U2SURP: variants seen among roughly 807,000 people sequenced by gnomAD.
The protein encoded by U2SURP is U2 snRNP-associated SURP motif-containing protein.
A neutral mutation model predicts 144.9 loss-of-function variants in U2SURP; 9 were observed. The observed-to-expected ratio is 0.06, with a 90% CI of 0.04 to 0.11. The LOEUF (loss-of-function observed/expected upper bound fraction) is 0.11. Among genes scored for constraint, U2SURP ranks in the 10% least tolerant of loss-of-function variants. The probability of loss-of-function intolerance (pLI) is 1.00; values close to 1 mark genes in which losing one functional copy is unlikely to be tolerated. For synonymous variants in U2SURP, 408 were observed against 396.8 expected (o/e 1.03, Z -0.33); for missense variants, 724 against 1,226.7 (o/e 0.59, Z 6.12).
At chr3:143,045,368 A>C (rs1189974832) in intron 24 of U2SURP, among the ~76,000 whole-genome samples, 9 of 27,146 alleles carry the variant, frequency 3.3e-4, no homozygotes, top group African/African-American at 1.0e-3. Flanking sequence ...GACGCCGTCA[A>C]AAAAAAAAAA....
rs150813954 is a variant in U2SURP at position 143,032,667 on chromosome 3, A to T, written c.1611-117A>T. The T allele has an allele frequency of 1.3e-4, 112 of 875,114 alleles. No individual in the cohort carries two copies. In the East Asian group the frequency reaches 2.5e-3, roughly 20 times the overall value. 54.2% of individuals were successfully genotyped at this position (875,114 alleles called of 1,614,324 possible). On this transcript the variant is annotated intron_variant, in intron 16 of 27. Transcript: ENST00000473835. ...ACACAAATCAGACTGAATGTATTAC[A>T]GTCTTCAGAATTATTTTATGTGAGT...
At chr3:143,015,089 AC>A (rs779614985) in intron 4 of U2SURP, among the ~76,000 whole-genome samples, 1 of 151,980 alleles carries the variant, frequency 6.6e-6, no homozygotes, top group Non-Finnish European at 1.5e-5. Flanking sequence ...GACATGTTGC[AC>A]CCCTGTCAGT....
chr3:143,016,451 T>A, intron 5 of U2SURP, 80 bp downstream of exon 5: 1 of 1,203,400 alleles, frequency 8.3e-7, no homozygotes, highest in Non-Finnish European at 1.2e-6. Context: ...GTTGAATGAC[T>A]GCAGGTAGAT....
chr3:143,003,743 G>C (rs369147956), intron 1 of U2SURP, among the ~76,000 whole-genome samples: 3 of 145,634 alleles, frequency 2.1e-5, no homozygotes, highest in African/African-American at 2.5e-5. Flanking sequence ...GAGTGCTGGA[G>C]TGCAGTGGCA....
At chr3:143,051,114 C>T (rs1228272809) in intron 25 of U2SURP, 65 bp downstream of exon 25, 1 of 924,676 alleles carries the variant, frequency 1.1e-6, no homozygotes, top group Non-Finnish European at 1.7e-6. Flanking sequence ...TCCTAGAATA[C>T]TGGTATACCT....
At chr3:143,050,050 A>C (rs1204817465) in intron 24 of U2SURP, among the ~76,000 whole-genome samples, 2 of 152,082 alleles carry the variant, frequency 1.3e-5, no homozygotes, top group Non-Finnish European at 2.9e-5. Flanking sequence ...ATAGGTAATA[A>C]GAGATGGAAG....
chr3:143,055,207 T>A, intron 27 of U2SURP, 88 bp downstream of exon 27: 4 of 304,914 alleles, frequency 1.3e-5, no homozygotes, highest in Non-Finnish European at 2.0e-5. Flanking sequence ...TTGGCATACA[T>A]TTTTTTTTTT....
At chr3:143,012,942 T>A (rs1201222032) in intron 3 of U2SURP, among the ~76,000 whole-genome samples, 2 of 152,192 alleles carry the variant, frequency 1.3e-5, no homozygotes, top group African/African-American at 2.4e-5. Flanking sequence ...TAACCACTGG[T>A]AACAAAGTAT....
chr3:143,030,067 T>G (rs1215584005), intron 16 of U2SURP, among the ~76,000 whole-genome samples: 1 of 152,206 alleles, frequency 6.6e-6, no homozygotes, highest in Non-Finnish European at 1.5e-5. Flanking sequence ...AAGTTCAAGG[T>G]GAAGCAGCAA....
chr3:143,011,800 GAA>G (rs1333644705), intron 2 of U2SURP: 1 of 312,520 alleles, frequency 3.2e-6, no homozygotes, highest in Non-Finnish European at 6.4e-6. Flanking sequence ...GATAAAATAA[GAA>G]GTACGTATAA....
intron 24 of U2SURP, among the ~76,000 whole-genome samples, chr3:143,045,307 T>C (rs1164536866): frequency 6.7e-6 from 1 of 149,118 alleles, no homozygotes; most frequent in Non-Finnish European, 1.5e-5. Flanking sequence ...AGGCGGAGCT[T>C]GCAGTGAGCC....
chr3:143,038,013 A>T, intron 21 of U2SURP, 95 bp from the exon 22 acceptor site: 1 of 788,708 alleles, frequency 1.3e-6, no homozygotes, highest in Non-Finnish European at 1.9e-6. Flanking sequence ...TCCTTATTTT[A>T]CTTTGCTTTT....
chr3:143,025,603 T>C (rs912115321), intron 13 of U2SURP, among the ~76,000 whole-genome samples: 1 of 152,180 alleles, frequency 6.6e-6, no homozygotes, highest in African/African-American at 2.4e-5. Context: ...TCATTAACCA[T>C]ATGAATGCTG....
At chr3:143,002,060 C>T (rs1414736560) in intron 1 of U2SURP, among the ~76,000 whole-genome samples, 1 of 152,232 alleles carries the variant, frequency 6.6e-6, no homozygotes, top group Non-Finnish European at 1.5e-5. Context: ...GCTTAAATGT[C>T]TGCTGCTTTT....
chr3:143,015,082 A>G (rs1040127892), intron 4 of U2SURP, among the ~76,000 whole-genome samples: 8 of 152,100 alleles, frequency 5.3e-5, no homozygotes, highest in Non-Finnish European at 7.4e-5. Context: ...GGGCAGTGAC[A>G]TGTTGCACCC....
intron 24 of U2SURP, among the ~76,000 whole-genome samples, chr3:143,045,366 CAAAAAAA>C (rs11356372): frequency 2.5e-4 from 19 of 75,424 alleles, no homozygotes; most frequent in Admixed American, 9.4e-4. Flanking sequence ...GAGACGCCGT[CAAAAAAA>C]AAAAAAAAAA....
Position 143,038,874 on chromosome 3 carries a change from C to T in U2SURP, c.2318-20C>T. On this transcript the variant is annotated intron_variant, in intron 22 of 27. Transcript: ENST00000473835. ...CTAGTTTACCTCGTGGAATTACATC[C>T]TCCTTTTCCTTTCATTCAGCTGTTA... 3 of 1,525,338 alleles carry T rather than the reference C, an allele frequency of 2.0e-6. No individual in the cohort carries two copies. Among genetic ancestry groups the T allele is most frequent in the Non-Finnish European group, 2.6e-6 (3 of 1,135,676 alleles). The allele number at this position is 1,525,338 out of a possible 1,614,324, so 94.5% of individuals were successfully genotyped here.
intron 8 of U2SURP, 65 bp downstream of exon 8, chr3:143,020,758 GGCGGGTTACATTCCAAGGATCACCA>G (rs1199682616): frequency 3.1e-6 from 4 of 1,273,848 alleles, no homozygotes; most frequent in Non-Finnish European, 4.5e-6. Flanking sequence ...CCTTATCCGT[GGCGGGTTACATTCCAAGGATCACCA>G]GTGGATGTCT....
chr3:143,006,713 G>A (rs766392648), intron 1 of U2SURP, among the ~76,000 whole-genome samples: 47 of 152,170 alleles, frequency 3.1e-4, no homozygotes, highest in Non-Finnish European at 6.0e-4. Flanking sequence ...TTGCACTCCA[G>A]CCTGGGCAAA....
Sources: allele counts gnomAD v4.1 joint callset (sites outside exome capture counted in the v4.1 genomes callset), GRCh38; gene constraint gnomAD v4.1.1; transcripts MANE v1.5; gene names NCBI Gene and HGNC (gene_info 2026-07-23, HGNC 2026-07-21).